ZFAND4: variants seen among roughly 807,000 people sequenced by gnomAD.
ZFAND4 encodes zinc finger AN1-type containing 4, also known as AN1-type zinc finger protein 4.
Under a neutral mutation model 64.4 loss-of-function variants are expected in ZFAND4, and 43 were observed. The ratio of observed to expected loss-of-function variants is 0.67; its 90% CI spans 0.52 to 0.86. ZFAND4 has a LOEUF of 0.86. Among genes scored for constraint, ZFAND4 ranks in the 40% least tolerant of loss-of-function variants. The pLI is 0.00. For synonymous variants in ZFAND4, 296 were observed against 305.7 expected (o/e 0.97, Z 0.33); for missense variants, 929 against 859.8 (o/e 1.08, Z -1.01).
At chr10:45,617,350 T>C (rs1049740102) in intron 9 of ZFAND4, among the ~76,000 whole-genome samples, 4 of 151,668 alleles carry the variant, frequency 2.6e-5, no homozygotes, top group Non-Finnish European at 5.9e-5. Context: ...TTGGGATGGG[T>C]GTGGTGGCGG....
intron 5 of ZFAND4, among the ~76,000 whole-genome samples, chr10:45,647,265 C>A (rs535445264): frequency 3.3e-5 from 5 of 152,208 alleles, no homozygotes; most frequent in African/African-American, 1.2e-4. Flanking sequence ...ATGAATTATG[C>A]CAGCAATAAG....
chr10:45,651,728 G>A, intron 4 of ZFAND4: 2 of 589,920 alleles, frequency 3.4e-6, no homozygotes, highest in South Asian at 3.2e-5. Flanking sequence ...ACTGGCAAAA[G>A]GTTTATTTTT....
intron 2 of ZFAND4, among the ~76,000 whole-genome samples, chr10:45,661,681 C>T (rs1028329444): frequency 5.3e-5 from 8 of 152,154 alleles, no homozygotes; most frequent in African/African-American, 1.9e-4. Flanking sequence ...TGGCTCACGC[C>T]TGTAATCCCA....
intron 6 of ZFAND4, among the ~76,000 whole-genome samples, chr10:45,630,471 C>T (rs183445245): frequency 1.3e-5 from 2 of 151,728 alleles, no homozygotes; most frequent in East Asian, 1.9e-4. Flanking sequence ...GTGGCTCACA[C>T]CTGTAATCCC....
At position 45,653,043 on chromosome 10, in the gene ZFAND4, T is replaced by C. The variant is rs904655384; in HGVS notation, c.201A>G (p.Arg67=). 5 of 1,611,242 alleles carry C rather than the reference T, an allele frequency of 3.1e-6. No individual in the cohort carries two copies. In the African/African-American group the frequency reaches 6.7e-5, roughly 22 times the overall value. Residue 67 remains arginine, a synonymous_variant, in exon 3 of 10, where the codon CGA becomes CGG. Transcript: ENST00000344646. ...CCATGTTATTCCAAATTAAGTGTTGTCGACAGATGGGAATACCTTAAGGGA... is the reference window on the plus strand; with the variant it reads ...CCATGTTATTCCAAATTAAGTGTTGCCGACAGATGGGAATACCTTAAGGGA... ...IRRLEGIPIC[R]QHLIWNNMEL...
intron 6 of ZFAND4, among the ~76,000 whole-genome samples, chr10:45,628,890 C>A: frequency 1.8e-5 from 2 of 112,638 alleles, no homozygotes; most frequent in African/African-American, 3.7e-5. Flanking sequence ...AAGTATGGAG[C>A]TTCACCAAAA....
At position 45,669,110 on chromosome 10, in the gene ZFAND4, G is replaced by C. The variant is rs550408056; in HGVS notation, c.-118+3140C>G. Among the ~76,000 whole-genome samples the C allele has an allele frequency of 2.0e-5, 3 of 152,298 alleles. No individual in the cohort carries two copies. In the South Asian group the frequency reaches 6.2e-4, roughly 32 times the overall value. On this transcript the variant is annotated intron_variant, in intron 1 of 9. Transcript: ENST00000344646. ...CTTCAAAAAATCAATGAATCTGAGAGCTGGTTTTTTGAAAAGATCAACAAA... is the reference window on the plus strand; with the variant it reads ...CTTCAAAAAATCAATGAATCTGAGACCTGGTTTTTTGAAAAGATCAACAAA...
intron 4 of ZFAND4, chr10:45,651,125 C>A (rs533785892): frequency 6.5e-6 from 1 of 153,142 alleles, no homozygotes; most frequent in African/African-American, 2.4e-5. Context: ...TCAAATAAAT[C>A]TGAAGGACTT....
chr10:45,631,577 G>A (rs1342895843), intron 6 of ZFAND4, among the ~76,000 whole-genome samples: 1 of 151,974 alleles, frequency 6.6e-6, no homozygotes, highest in African/African-American at 2.4e-5. Flanking sequence ...AGAAAAGAAA[G>A]ATTGGTAATT....
chr10:45,618,044 G>C, intron 9 of ZFAND4, 96 bp downstream of exon 9: 1 of 1,308,448 alleles, frequency 7.6e-7, no homozygotes. Context: ...TCTTAATGAT[G>C]TTATAAACAG....
Position 45,626,399 on chromosome 10 carries a change from A to G in ZFAND4, c.1424T>C (p.Leu475Pro). The change falls in exon 7 of 10, where the codon CTT becomes CCT. Residue 475 changes from leucine (L) to proline (P), a missense_variant. Leu to Pro is a moderately conservative substitution (Grantham distance 98, BLOSUM62 -3). Transcript: ENST00000344646. ...SPHKNRLLSP[L>P]RCSAPMSLHN... ...TAGCGACATTGGTGCAGAACAGCGAAGAGGTGACAAGAGTCTATTCTTGTG... is the reference window on the plus strand; with the variant it reads ...TAGCGACATTGGTGCAGAACAGCGAGGAGGTGACAAGAGTCTATTCTTGTG... The G allele has an allele frequency of 6.2e-7, 1 of 1,614,128 alleles. No individual in the cohort carries two copies. Among genetic ancestry groups the G allele is most frequent in the Non-Finnish European group, 8.5e-7 (1 of 1,180,040 alleles).
chr10:45,652,976 A>C lies in ZFAND4; in HGVS notation c.260+8T>G. 1 of 1,605,418 alleles carries C rather than the reference A, an allele frequency of 6.2e-7. No individual in the cohort carries two copies. Among genetic ancestry groups the C allele is most frequent in the Non-Finnish European group, 8.5e-7 (1 of 1,174,934 alleles). ...CCTACAAAACAGCCAATATGCAATT[A>C]CACTCACTTGTAATCATTCAAGCAA... On this transcript the variant is annotated splice_region_variant and intron_variant, in intron 3 of 9. Coordinates refer to ENST00000344646, the MANE Select transcript of ZFAND4 (RefSeq NM_174890.4).
intron 3 of ZFAND4, 122 bp from the exon 4 acceptor site, chr10:45,652,155 G>C: frequency 1.2e-6 from 1 of 830,934 alleles, no homozygotes; most frequent in Admixed American, 2.1e-5. Context: ...AAAAGATATA[G>C]CAATGTAAAT....
chr10:45,652,158 A>C (rs1295883595), intron 3 of ZFAND4, 125 bp from the exon 4 acceptor site: 5 of 777,148 alleles, frequency 6.4e-6, no homozygotes, highest in Non-Finnish European at 8.7e-6. Flanking sequence ...AGATATAGCA[A>C]TGTAAATACA....
chr10:45,670,429 G>C (rs1296931523), intron 1 of ZFAND4, among the ~76,000 whole-genome samples: 3 of 152,140 alleles, frequency 2.0e-5, no homozygotes, highest in African/African-American at 7.2e-5. Context: ...TCTCCCAACA[G>C]GGGTTTCTCC....
intron 2 of ZFAND4, among the ~76,000 whole-genome samples, chr10:45,656,893 C>T (rs1035188745): frequency 5.3e-5 from 8 of 152,080 alleles, no homozygotes; most frequent in Non-Finnish European, 1.2e-4. Flanking sequence ...GAAAGAGTGC[C>T]CTCACCAGAC....
At chr10:45,616,704 T>G in intron 9 of ZFAND4, 133 bp from the exon 10 acceptor site, 1 of 782,226 alleles carries the variant, frequency 1.3e-6, no homozygotes, top group Non-Finnish European at 2.1e-6. Flanking sequence ...ACTGCTGACA[T>G]TTCCCTTCCA....
chr10:45,660,821 T>C (rs2048423969), intron 2 of ZFAND4, among the ~76,000 whole-genome samples: 1 of 152,170 alleles, frequency 6.6e-6, no homozygotes, highest in Non-Finnish European at 1.5e-5. Flanking sequence ...CCCTGAAATA[T>C]TATCCTTCAG....
intron 5 of ZFAND4, chr10:45,640,383 G>C: frequency 8.1e-7 from 1 of 1,238,764 alleles, no homozygotes; most frequent in Non-Finnish European, 1.0e-6. Flanking sequence ...TGGCACGGGA[G>C]AGAAGTACAG....
Sources: allele counts gnomAD v4.1 joint callset (sites outside exome capture counted in the v4.1 genomes callset), GRCh38; gene constraint gnomAD v4.1.1; transcripts MANE v1.5; gene names NCBI Gene and HGNC (gene_info 2026-07-23, HGNC 2026-07-21).